UBE2E2: variants seen among roughly 807,000 people sequenced by gnomAD.
UBE2E2 encodes the protein ubiquitin conjugating enzyme E2 E2, also known as ubiquitin-conjugating enzyme E2 E2.
Under a neutral mutation model 24.7 loss-of-function variants are expected in UBE2E2, and 6 were observed. That is an observed-to-expected ratio of 0.24 (90% confidence interval 0.13 to 0.48). UBE2E2 has a LOEUF of 0.48. Among genes scored for constraint, UBE2E2 ranks in the 20% least tolerant of loss-of-function variants. UBE2E2 has a pLI of 0.99. For synonymous variants in UBE2E2, 104 were observed against 83.6 expected, an observed-to-expected ratio of 1.24 and a Z score of -1.33; for missense variants, 169 against 245.0, an observed-to-expected ratio of 0.69 and a Z score of 2.07.
chr3:23,355,611 TA>T (rs1426706214), intron 3 of UBE2E2, among the ~76,000 whole-genome samples: 7 of 152,214 alleles, frequency 4.6e-5, no homozygotes, highest in Non-Finnish European at 1.0e-4. Flanking sequence ...AAAATACAGT[TA>T]CTTTTTTTTG....
At chr3:23,429,746 CAT>C (rs1287129632) in intron 3 of UBE2E2, among the ~76,000 whole-genome samples, 1 of 152,144 alleles carries the variant, frequency 6.6e-6, no homozygotes, top group African/African-American at 2.4e-5. Context: ...CTTCACAAAT[CAT>C]ATGACCATTT....
intron 3 of UBE2E2, among the ~76,000 whole-genome samples, chr3:23,465,806 C>T (rs1575648468): frequency 6.6e-6 from 1 of 152,006 alleles, no homozygotes; most frequent in East Asian, 1.9e-4. Context: ...AGAAGCCCTG[C>T]TGAACAGTAG....
At chr3:23,504,426 A>G (rs1435134597) in intron 4 of UBE2E2, among the ~76,000 whole-genome samples, 1 of 152,152 alleles carries the variant, frequency 6.6e-6, no homozygotes, top group Non-Finnish European at 1.5e-5. Flanking sequence ...TTATACTTTT[A>G]TGATTTTCTC....
At position 23,459,052 on chromosome 3, in the gene UBE2E2, A is replaced by G. The variant is rs117756513; in HGVS notation, c.228-40556A>G. 3.7e-3 allele frequency among the ~76,000 whole-genome samples: 566 copies of G among 152,276 alleles called. 18 individuals carry two copies. The East Asian group carries it at 0.076, about 21-fold the overall frequency. The stretch of plus-strand genomic sequence containing the variant: ...TTTTTTACAAATGGGTTTGAACTAG[A>G]TCTCCATTTGTGTTCAATTTTCTGC... On this transcript the variant is annotated intron_variant, in intron 3 of 5. Coordinates refer to ENST00000396703, the MANE Select transcript of UBE2E2 (RefSeq NM_152653.4).
chr3:23,297,712 A>T (rs556731556), intron 3 of UBE2E2, among the ~76,000 whole-genome samples: 1 of 152,282 alleles, frequency 6.6e-6, no homozygotes, highest in East Asian at 1.9e-4. Flanking sequence ...GTTTGAAGTC[A>T]GGTAGCATGA....
At chr3:23,542,830 T>C (rs1165122410) in intron 5 of UBE2E2, among the ~76,000 whole-genome samples, 1 of 152,194 alleles carries the variant, frequency 6.6e-6, no homozygotes, top group South Asian at 2.1e-4. Context: ...GTTATAATCT[T>C]GGTGTAAATT....
At chr3:23,584,669 T>G (rs1408536270) in intron 5 of UBE2E2, among the ~76,000 whole-genome samples, 1 of 149,886 alleles carries the variant, frequency 6.7e-6, no homozygotes, top group African/African-American at 2.5e-5. Flanking sequence ...ACCTCCTACC[T>G]CAGCCTCCCA....
At chr3:23,567,382 G>A (rs771544183) in intron 5 of UBE2E2, among the ~76,000 whole-genome samples, 3 of 152,148 alleles carry the variant, frequency 2.0e-5, no homozygotes, top group Non-Finnish European at 4.4e-5. Context: ...CAGTATGTTC[G>A]AGTTCAGGCA....
At chr3:23,546,572 C>G (rs1019682992) in intron 5 of UBE2E2, among the ~76,000 whole-genome samples, 1 of 140,332 alleles carries the variant, frequency 7.1e-6, no homozygotes, top group Non-Finnish European at 1.5e-5. Flanking sequence ...CTCCCAGGTT[C>G]AAACAATTCT....
chr3:23,310,221 A>G (rs1360466455), intron 3 of UBE2E2, among the ~76,000 whole-genome samples: 2 of 152,118 alleles, frequency 1.3e-5, no homozygotes, highest in Admixed American at 6.5e-5. Context: ...TTATTGTCTA[A>G]CACTGAATTA....
intron 3 of UBE2E2, among the ~76,000 whole-genome samples, chr3:23,281,982 C>G (rs1263598979): frequency 6.6e-6 from 1 of 152,156 alleles, no homozygotes; most frequent in African/African-American, 2.4e-5. Flanking sequence ...CAAAATCATC[C>G]TAAAAGATTG....
intron 5 of UBE2E2, among the ~76,000 whole-genome samples, chr3:23,550,532 G>A (rs991105034): frequency 4.6e-5 from 7 of 152,224 alleles, no homozygotes; most frequent in South Asian, 2.1e-4. Context: ...TTTTGTTATC[G>A]CAAACTCCTG....
chr3:23,431,933 T>C (rs1025588197), intron 3 of UBE2E2, among the ~76,000 whole-genome samples: 8 of 152,198 alleles, frequency 5.3e-5, no homozygotes, highest in African/African-American at 1.9e-4. Context: ...GATGATGATC[T>C]AAGACTACTA....
chr3:23,545,528 A>G (rs183101388), intron 5 of UBE2E2, among the ~76,000 whole-genome samples: 1 of 152,318 alleles, frequency 6.6e-6, no homozygotes, highest in Admixed American at 6.5e-5. Flanking sequence ...CAGAATCTCA[A>G]GGCAGAAGAA....
At chr3:23,315,800 T>A (rs35402533) in intron 3 of UBE2E2, among the ~76,000 whole-genome samples, 11,696 of 152,126 alleles carry the variant, frequency 0.077, 568 homozygotes, top group Non-Finnish European at 0.092. Context: ...GTAATCTAAG[T>A]TTGTAGTCCC....
chr3:23,273,387 C>T (rs1274217712), intron 3 of UBE2E2, among the ~76,000 whole-genome samples: 6 of 152,164 alleles, frequency 3.9e-5, no homozygotes, highest in East Asian at 1.9e-4. Flanking sequence ...AAAAATTAGC[C>T]GGGCGTGATG....
intron 3 of UBE2E2, among the ~76,000 whole-genome samples, chr3:23,292,243 C>G (rs1698790348): frequency 6.6e-6 from 1 of 152,092 alleles, no homozygotes; most frequent in East Asian, 1.9e-4. Context: ...TCCCAAAGTT[C>G]TGGGATTACA....
At chr3:23,283,500 C>T (rs939379514) in intron 3 of UBE2E2, among the ~76,000 whole-genome samples, 2 of 152,078 alleles carry the variant, frequency 1.3e-5, no homozygotes, top group African/African-American at 2.4e-5. Context: ...TTTGGGAGGC[C>T]GAGGTGGGAT....
chr3:23,571,362 T>C (rs1348624724), intron 5 of UBE2E2, among the ~76,000 whole-genome samples: 16 of 141,838 alleles, frequency 1.1e-4, no homozygotes, highest in Admixed American at 7.4e-4. Flanking sequence ...CAATCTCAGC[T>C]CACTGCAACC....
Sources: allele counts gnomAD v4.1 joint callset (sites outside exome capture counted in the v4.1 genomes callset), GRCh38; gene constraint gnomAD v4.1.1; transcripts MANE v1.5; gene names NCBI Gene and HGNC (gene_info 2026-07-23, HGNC 2026-07-21).